The following RAB3B variants were observed in gnomAD, a reference collection of about 807,000 sequenced individuals.
The protein encoded by RAB3B is ras-related protein Rab-3B.
RAB3B carries 11 observed loss-of-function variants against 20.5 expected under a neutral mutation model. The ratio of observed to expected loss-of-function variants is 0.54; its 90% CI spans 0.34 to 0.89. RAB3B has a LOEUF of 0.89. RAB3B is among the 40% of genes least tolerant of loss of function. RAB3B has a pLI of 0.02. For synonymous variants in RAB3B, 99 were observed against 106.3 expected (o/e 0.93, Z 0.42); for missense variants, 225 against 280.9 (o/e 0.80, Z 1.42).
At chr1:51,974,225 CA>C (rs1318800700) in intron 2 of RAB3B, among the ~76,000 whole-genome samples, 4 of 152,184 alleles carry the variant, frequency 2.6e-5, no homozygotes, top group Admixed American at 1.3e-4. Flanking sequence ...AGGATGATAT[CA>C]AATAACACAA....
intron 1 of RAB3B, among the ~76,000 whole-genome samples, chr1:51,980,042 C>T (rs931370272): frequency 2.0e-5 from 3 of 151,628 alleles, no homozygotes; most frequent in South Asian, 2.1e-4. Context: ...ACTCCACCCC[C>T]CCAAAAAAAA....
intron 4 of RAB3B, among the ~76,000 whole-genome samples, chr1:51,932,228 G>A (rs1684336727): frequency 6.6e-6 from 1 of 152,114 alleles, no homozygotes; most frequent in Non-Finnish European, 1.5e-5. Context: ...CCAAATATCT[G>A]TTCTTCAGAA....
chr1:51,954,392 C>T (rs745921309), intron 2 of RAB3B, among the ~76,000 whole-genome samples: 7 of 152,158 alleles, frequency 4.6e-5, no homozygotes, highest in African/African-American at 1.7e-4. Context: ...AACCACCAAC[C>T]CAAATGTCAG....
intron 2 of RAB3B, among the ~76,000 whole-genome samples, chr1:51,975,698 A>G (rs906327172): frequency 6.6e-5 from 10 of 152,318 alleles, no homozygotes; most frequent in Non-Finnish European, 1.3e-4. Flanking sequence ...CAGTCTTAAG[A>G]TCCTCCAGCC....
intron 2 of RAB3B, among the ~76,000 whole-genome samples, chr1:51,966,104 C>A (rs777855590): frequency 5.9e-5 from 9 of 152,210 alleles, no homozygotes; most frequent in African/African-American, 2.2e-4. Flanking sequence ...TCTCACCAAT[C>A]GCTGCAGAGC....
chr1:51,962,117 T>C (rs1398826352), intron 2 of RAB3B, among the ~76,000 whole-genome samples: 1 of 152,180 alleles, frequency 6.6e-6, no homozygotes, highest in East Asian at 1.9e-4. Flanking sequence ...TGCCACTTAC[T>C]ATTTGTGTGA....
At position 51,919,017 on chromosome 1, in the gene RAB3B, C is replaced by T. The variant is rs2124226950; in HGVS notation, c.*910G>A. 6.7e-6 allele frequency: 1 copy of T among 149,502 alleles called. No individual in the cohort carries two copies. Among genetic ancestry groups the T allele is most frequent in the Middle Eastern group, 3.5e-3 (1 of 284 alleles). 9.3% of individuals were successfully genotyped at this position (149,502 alleles called of 1,614,324 possible). A position where few individuals can be genotyped will look rare whatever the true frequency, so the allele number is the denominator to read the frequency against. On this transcript the variant is annotated 3_prime_UTR_variant, in exon 5 of 5. Coordinates refer to ENST00000371655, the MANE Select transcript of RAB3B (RefSeq NM_002867.4). The stretch of plus-strand genomic sequence containing the variant: ...TTTGAGACGGAGTCTCGCTCTGTCG[C>T]CCAGGCCGGACTGCGGACTGCAGTG...
At chr1:51,953,665 G>A (rs1684669957) in intron 2 of RAB3B, among the ~76,000 whole-genome samples, 1 of 152,212 alleles carries the variant, frequency 6.6e-6, no homozygotes, top group Admixed American at 6.5e-5. Flanking sequence ...GCTGAGTGCA[G>A]TGGCGCACGC....
At chr1:51,954,583 T>G (rs1684681444) in intron 2 of RAB3B, among the ~76,000 whole-genome samples, 1 of 152,090 alleles carries the variant, frequency 6.6e-6, no homozygotes, top group Non-Finnish European at 1.5e-5. Context: ...CAACCATGAG[T>G]GGATCACTGT....
chr1:51,932,111 T>C (rs1557964473), intron 4 of RAB3B, among the ~76,000 whole-genome samples: 1 of 152,012 alleles, frequency 6.6e-6, no homozygotes, highest in Non-Finnish European at 1.5e-5. Context: ...CAGGACACCT[T>C]GGGGAGAAAA....
intron 2 of RAB3B, among the ~76,000 whole-genome samples, chr1:51,944,348 A>G (rs1472613758): frequency 1.3e-5 from 2 of 152,202 alleles, no homozygotes; most frequent in Non-Finnish European, 2.9e-5. Flanking sequence ...GTCACCCAAG[A>G]TATCTGATGG....
chr1:51,986,624 A>G (rs949423791), intron 1 of RAB3B, among the ~76,000 whole-genome samples: 1 of 152,146 alleles, frequency 6.6e-6, no homozygotes, highest in Admixed American at 6.5e-5. Flanking sequence ...AAAAATAAAA[A>G]TTAAAAAAAA....
rs772116232 is a variant in RAB3B at position 51,976,917 on chromosome 1, G to T, written c.201C>A (p.His67Gln). 6.2e-7 allele frequency: 1 copy of T among 1,614,156 alleles called. No individual in the cohort carries two copies. Among genetic ancestry groups the T allele is most frequent in the South Asian group, 1.1e-5 (1 of 91,082 alleles). ...IDFKVKTVYR[H>Q]EKRVKLQIWD... ...AGATCTGCAGTTTCACCCGCTTCTC[G>T]TGACGGTAGACTGTCTTCACCTTGA... The change falls in exon 2 of 5, where the codon CAC (histidine) becomes CAA (glutamine). Residue 67 changes from histidine (H) to glutamine (Q), a missense_variant. Coordinates refer to ENST00000371655, the MANE Select transcript of RAB3B (RefSeq NM_002867.4).
rs1419818447 is a variant in RAB3B, at chr1:51,912,992, A to G, written c.*6935T>C. On this transcript the variant is annotated 3_prime_UTR_variant, in exon 5 of 5. Coordinates refer to ENST00000371655, the MANE Select transcript of RAB3B (RefSeq NM_002867.4). The stretch of plus-strand genomic sequence containing the variant: ...AAGACTTGGCATCTAAAGCCTCGGG[A>G]CTAGACGAGTACATCAAAGAAGGAA... 6.6e-6 allele frequency: 1 copy of G among 152,144 alleles called. No homozygotes were observed. Among genetic ancestry groups the G allele is most frequent in the East Asian group, 1.9e-4 (1 of 5,192 alleles). The allele number at this position is 152,144 out of a possible 1,614,324, so 9.4% of individuals were successfully genotyped here.
At chr1:51,947,527 A>G (rs1684581882) in intron 2 of RAB3B, among the ~76,000 whole-genome samples, 2 of 152,184 alleles carry the variant, frequency 1.3e-5, no homozygotes, top group South Asian at 4.1e-4. Flanking sequence ...CAATACAGGA[A>G]GTCCTCTAAC....
chr1:51,930,280 C>A (rs1684304586), intron 4 of RAB3B, among the ~76,000 whole-genome samples: 1 of 152,186 alleles, frequency 6.6e-6, no homozygotes, highest in African/African-American at 2.4e-5. Context: ...CTCTGAACCT[C>A]ATTTTTGAGA....
chr1:51,953,755 C>T (rs931002046), intron 2 of RAB3B, among the ~76,000 whole-genome samples: 6 of 152,086 alleles, frequency 3.9e-5, no homozygotes, highest in South Asian at 2.1e-4. Flanking sequence ...GAGCCAAGGT[C>T]GTGCCACTGC....
chr1:51,949,803 CT>C (rs1314577641), intron 2 of RAB3B, among the ~76,000 whole-genome samples: 1 of 152,238 alleles, frequency 6.6e-6, no homozygotes, highest in Non-Finnish European at 1.5e-5. Context: ...ACCACTGCTT[CT>C]GTCGCACGGG....
chr1:51,965,702 ATAT>A (rs1434904369), intron 2 of RAB3B, among the ~76,000 whole-genome samples: 1 of 152,208 alleles, frequency 6.6e-6, no homozygotes, highest in African/African-American at 2.4e-5. Flanking sequence ...AATTGAAAAA[ATAT>A]TATTAAATGC....
Sources: gnomAD v4.1 joint callset for allele counts (sites outside exome capture counted in the v4.1 genomes callset) on GRCh38, gnomAD v4.1.1 for gene constraint, MANE v1.5 for transcripts, NCBI Gene and HGNC (gene_info 2026-07-23, HGNC 2026-07-21) for gene names.